Variants in PPAT observed in about 807,000 individuals in gnomAD.
PPAT encodes the protein amidophosphoribosyltransferase.
PPAT carries 20 observed loss-of-function variants against 60.2 expected under a neutral mutation model. The observed-to-expected ratio is 0.33, with a 90% confidence interval of 0.23 to 0.48. PPAT has a LOEUF of 0.48. Among genes scored for constraint, PPAT ranks in the 20% least tolerant of loss-of-function variants. The pLI, the probability that PPAT is intolerant of heterozygous loss-of-function variation, is 0.99. For missense variants in PPAT, 349 were observed against 629.6 expected, an observed-to-expected ratio of 0.55 and a Z score of 4.77; for synonymous variants, 194 against 215.1, an observed-to-expected ratio of 0.90 and a Z score of 0.86.
At chr4:56,429,774 TC>T (rs1263806644) in intron 1 of PPAT, among the ~76,000 whole-genome samples, 1 of 152,168 alleles carries the variant, frequency 6.6e-6, no homozygotes, top group East Asian at 1.9e-4. Context: ...CCTAAAAGCC[TC>T]CCAGTCATTA....
intron 5 of PPAT, 69 bp from the exon 6 acceptor site, chr4:56,402,250 T>A: frequency 9.1e-7 from 1 of 1,097,696 alleles, no homozygotes; most frequent in Non-Finnish European, 1.4e-6. Flanking sequence ...ATGGAACAGC[T>A]AACACTAAAT....
At chr4:56,430,021 G>C (rs557574205) in intron 1 of PPAT, among the ~76,000 whole-genome samples, 7 of 152,248 alleles carry the variant, frequency 4.6e-5, no homozygotes, top group African/African-American at 1.7e-4. Flanking sequence ...CACTGCCTTG[G>C]AGGCCAAGGC....
At chr4:56,410,063 G>C (rs1247011502) in intron 1 of PPAT, among the ~76,000 whole-genome samples, 2 of 152,110 alleles carry the variant, frequency 1.3e-5, no homozygotes, top group Admixed American at 1.3e-4. Context: ...CTTTTATTTA[G>C]TGAAATGCTG....
rs1008704280 is a variant in PPAT at position 56,435,597 on chromosome 4, G to A, written c.-120C>T. ...CGCTCGCGACAGGCTCTTCCTTCCC[G>A]AGGGTGGCCCCAGCTACTGCGGCGG... On this transcript the variant is annotated 5_prime_UTR_variant, in exon 1 of 11. Coordinates refer to ENST00000264220, the MANE Select transcript of PPAT (RefSeq NM_002703.5). The A allele has an allele frequency of 6.5e-6, 10 of 1,547,108 alleles. No individual in the cohort carries two copies. The highest frequency in any genetic ancestry group is 5.3e-5 in the Admixed American group (3 of 56,484).
chr4:56,416,069 CAAA>C (rs34117895), intron 1 of PPAT, among the ~76,000 whole-genome samples: 177 of 139,428 alleles, frequency 1.3e-3, no homozygotes, highest in Admixed American at 1.4e-3. Context: ...GACTCTGTCT[CAAA>C]AAAAAAAAAA....
intron 5 of PPAT, 28 bp from the exon 6 acceptor site, chr4:56,402,209 T>C (rs185816951): frequency 5.5e-5 from 84 of 1,540,910 alleles, no homozygotes; most frequent in Non-Finnish European, 6.5e-5. Context: ...ATTCAATTAA[T>C]GGATTCCAGA....
intron 1 of PPAT, among the ~76,000 whole-genome samples, chr4:56,411,709 A>G (rs1253082913): frequency 6.6e-6 from 1 of 152,212 alleles, no homozygotes; most frequent in Non-Finnish European, 1.5e-5. Context: ...TGGGCAAAGC[A>G]CTAAGTTATA....
chr4:56,414,881 A>T (rs1716642172), intron 1 of PPAT, among the ~76,000 whole-genome samples: 1 of 152,208 alleles, frequency 6.6e-6, no homozygotes, highest in Non-Finnish European at 1.5e-5. Flanking sequence ...TTCCTCGACA[A>T]CATTTTAGCC....
At chr4:56,395,632 G>T in intron 10 of PPAT, 84 bp from the exon 11 acceptor site, 5 of 885,736 alleles carry the variant, frequency 5.6e-6, no homozygotes, top group Middle Eastern at 3.2e-4. Context: ...GTTACAAACA[G>T]AATAATTTAA....
rs1715961931 is a variant in PPAT, at chr4:56,396,110, G to A, written c.1357+509C>T. 6.6e-6 allele frequency among the ~76,000 whole-genome samples: 1 copy of A among 152,116 alleles called. No homozygotes were observed. Among genetic ancestry groups the A allele is most frequent in the African/African-American group, 2.4e-5 (1 of 41,412 alleles). On this transcript the variant is annotated intron_variant, in intron 10 of 10. Transcript: ENST00000264220. The surrounding 1 kb of genome is among the most constrained non-coding windows in gnomAD (Gnocchi z 4.6). The stretch of plus-strand genomic sequence containing the variant: ...AACACCAGCCACAAACAGATGGTGT[G>A]GAGGTACCAAGGCACAATGACTAAA...
chr4:56,404,118 T>A (rs1197554179), intron 3 of PPAT: 1 of 371,456 alleles, frequency 2.7e-6, no homozygotes, highest in East Asian at 7.6e-5. Context: ...CAATAGGAAA[T>A]CTAGAAGATT....
At chr4:56,428,097 T>C (rs920721174) in intron 1 of PPAT, among the ~76,000 whole-genome samples, 4 of 152,256 alleles carry the variant, frequency 2.6e-5, no homozygotes, top group African/African-American at 7.2e-5. Flanking sequence ...ATATACTGTT[T>C]GAATATGGAC....
At position 56,407,635 on chromosome 4, in the gene PPAT, A is replaced by G. The variant is rs1235864416; in HGVS notation, c.195+15T>C. ...ACTTGGTCTGTCATCAACATTTCTT[A>G]AAGTTCAAATTTACCTTGTGTGATT... On this transcript the variant is annotated intron_variant, in intron 2 of 10. Coordinates refer to ENST00000264220, the MANE Select transcript of PPAT (RefSeq NM_002703.5). 2 of 1,585,500 alleles carry G rather than the reference A, an allele frequency of 1.3e-6. No individual in the cohort carries two copies. The highest frequency in any genetic ancestry group is 2.2e-5 in the East Asian group (1 of 44,794).
Position 56,435,418 on chromosome 4 carries a change from T to C in PPAT, c.60A>G (p.Ser20=), listed in dbSNP as rs899040195. 6.2e-7 allele frequency: 1 copy of C among 1,613,650 alleles called. No homozygotes were observed. The highest frequency in any genetic ancestry group is 8.5e-7 in the Non-Finnish European group (1 of 1,179,776). The change falls in exon 1 of 11, where the codon TCA becomes TCG. Residue 20 remains serine, a synonymous_variant. Transcript: ENST00000264220. ...EECGVFGCIA[S]GEWPTQLDVP... Reference sequence around the variant, plus strand: ...CATCCAGCTGCGTGGGCCACTCTCCTGAGGCGATGCACCCGAACACGCCAC... The same window carrying C: ...CATCCAGCTGCGTGGGCCACTCTCCCGAGGCGATGCACCCGAACACGCCAC...
At chr4:56,407,113 TA>T (rs963189350) in intron 2 of PPAT, among the ~76,000 whole-genome samples, 2 of 152,138 alleles carry the variant, frequency 1.3e-5, no homozygotes, top group African/African-American at 4.8e-5. Flanking sequence ...AGCATTTAAA[TA>T]AATGACCCCC....
At chr4:56,406,186 T>C (rs187657843) in intron 3 of PPAT, among the ~76,000 whole-genome samples, 6 of 152,306 alleles carry the variant, frequency 3.9e-5, no homozygotes, top group East Asian at 1.9e-4. Flanking sequence ...GTTAAAGAGA[T>C]AGCAAGTCCA....
chr4:56,404,440 G>A (rs947182873), intron 3 of PPAT, among the ~76,000 whole-genome samples: 17 of 152,208 alleles, frequency 1.1e-4, no homozygotes, highest in Non-Finnish European at 2.1e-4. Flanking sequence ...AATATCGCTT[G>A]AGTGTACTCT....
intron 5 of PPAT, among the ~76,000 whole-genome samples, chr4:56,402,688 C>T (rs1173010729): frequency 1.3e-5 from 2 of 151,566 alleles, no homozygotes; most frequent in African/African-American, 2.4e-5. Flanking sequence ...TGGTGGTGTG[C>T]GCCTGTAATC....
intron 1 of PPAT, chr4:56,420,837 G>C (rs2110057967): frequency 6.6e-6 from 1 of 152,192 alleles, no homozygotes; most frequent in East Asian, 1.9e-4. Context: ...TTGAGATACA[G>C]TACATACACA....
Sources: allele counts gnomAD v4.1 joint callset (sites outside exome capture counted in the v4.1 genomes callset), GRCh38; gene constraint gnomAD v4.1.1; non-coding constraint Gnocchi (gnomAD v3.1); transcripts MANE v1.5; gene names NCBI Gene and HGNC (gene_info 2026-07-23, HGNC 2026-07-21).